DIP2C: variants seen among roughly 807,000 people sequenced by gnomAD.
DIP2C encodes disco-interacting protein 2 homolog C.
Under a neutral mutation model 192.4 loss-of-function variants are expected in DIP2C, and 33 were observed. The ratio of observed to expected loss-of-function variants is 0.17; its 90% CI spans 0.13 to 0.23. The LOEUF (loss-of-function observed/expected upper bound fraction) is 0.23, where lower values mean the gene tolerates loss of function less well. Ranked by LOEUF, DIP2C falls within the 10% of genes least tolerant of loss-of-function variation. The probability of loss-of-function intolerance (pLI) is 1.00; values close to 1 mark genes in which losing one functional copy is unlikely to be tolerated. For synonymous variants in DIP2C, 979 were observed against 864.1 expected (o/e 1.13, Z -2.33); for missense variants, 1,537 against 2,110.1 (o/e 0.73, Z 5.32).
Position 320,984 on chromosome 10 carries a change from C to T in DIP2C, c.3924+6022G>A, listed in dbSNP as rs1256673428. The stretch of plus-strand genomic sequence containing the variant: ...AGCAGGATGAGGGCAGAGGAGAGTC[C>T]ATCCAGGCCGAGCACAGTGTCCGGG... On this transcript the variant is annotated intron_variant, in intron 31 of 36. Coordinates refer to ENST00000280886, the MANE Select transcript of DIP2C (RefSeq NM_014974.3). Among the ~76,000 whole-genome samples the T allele has an allele frequency of 2.0e-5, 3 of 148,302 alleles. No homozygotes were observed. In the East Asian group the frequency reaches 6.0e-4, roughly 30 times the overall value.
chr10:523,066 C>T (rs774611167), intron 1 of DIP2C, among the ~76,000 whole-genome samples: 89 of 152,120 alleles, frequency 5.9e-4, no homozygotes, highest in Non-Finnish European at 8.5e-4. Flanking sequence ...ACGTGACCCA[C>T]GCGCTCATTT....
At chr10:674,516 T>TGCC (rs1289908084) in intron 1 of DIP2C, among the ~76,000 whole-genome samples, 1 of 151,858 alleles carries the variant, frequency 6.6e-6, no homozygotes, top group African/African-American at 2.4e-5. Flanking sequence ...ACACCTGTAA[T>TGCC]CCCAGCACTT....
Position 281,203 on chromosome 10 carries a change from T to G in DIP2C, c.4415A>C (p.Glu1472Ala). 6.2e-7 allele frequency: 1 copy of G among 1,613,986 alleles called. No homozygotes were observed. The highest frequency in any genetic ancestry group is 1.1e-5 in the South Asian group (1 of 91,076). Residue 1472 changes from glutamate to alanine, a missense_variant, in exon 36 of 37, where the codon GAA becomes GCA. Glu to Ala is a moderately radical substitution (Grantham distance 107). Transcript: ENST00000280886. ...SVIRAHKSVT[E>A]CAVFTWTNLL... is the part of the protein sequence containing the mutation. The stretch of plus-strand genomic sequence containing the variant: ...AAGCTGCAAGCTCACGACTTACCAT[T>G]CCGTAACGCTTTTATGGGCTCTGAT...
At chr10:614,897 T>C (rs763979633) in intron 1 of DIP2C, among the ~76,000 whole-genome samples, 7 of 152,148 alleles carry the variant, frequency 4.6e-5, no homozygotes, top group Non-Finnish European at 8.8e-5. Context: ...TGGGAAGAAC[T>C]GGGTTGGCCC....
At chr10:622,538 G>C (rs1403704398) in intron 1 of DIP2C, among the ~76,000 whole-genome samples, 1 of 152,174 alleles carries the variant, frequency 6.6e-6, no homozygotes, top group Non-Finnish European at 1.5e-5. Context: ...GCTGAGGACA[G>C]GGCTGTAATT....
At chr10:500,846 G>T (rs980743389) in intron 1 of DIP2C, among the ~76,000 whole-genome samples, 1 of 152,148 alleles carries the variant, frequency 6.6e-6, no homozygotes, top group African/African-American at 2.4e-5. Context: ...ATAGGTTTCA[G>T]GCTTCAGAAA....
chr10:625,663 G>A (rs945825260), intron 1 of DIP2C, among the ~76,000 whole-genome samples: 3 of 152,176 alleles, frequency 2.0e-5, no homozygotes, highest in East Asian at 1.9e-4. Context: ...CGCACACTGC[G>A]CTTCAATCAC....
chr10:572,875 G>A (rs1006827007), intron 1 of DIP2C, among the ~76,000 whole-genome samples: 1 of 152,072 alleles, frequency 6.6e-6, no homozygotes. Context: ...AATGACAGCC[G>A]GCGGGACTCG....
At chr10:674,405 G>A (rs991329831) in intron 1 of DIP2C, among the ~76,000 whole-genome samples, 1 of 152,134 alleles carries the variant, frequency 6.6e-6, no homozygotes, top group South Asian at 2.1e-4. Context: ...ACAGCAAGAG[G>A]ACATAACAAT....
At chr10:384,899 G>C (rs964737271) in intron 14 of DIP2C, among the ~76,000 whole-genome samples, 1 of 151,754 alleles carries the variant, frequency 6.6e-6, no homozygotes, top group Non-Finnish European at 1.5e-5. Flanking sequence ...GAAGGAGGAG[G>C]AGAAGCAGCT....
chr10:531,757 G>C (rs1034734098), intron 1 of DIP2C, among the ~76,000 whole-genome samples: 1 of 152,146 alleles, frequency 6.6e-6, no homozygotes, highest in Non-Finnish European at 1.5e-5. Flanking sequence ...GAAGTCTGTG[G>C]AACCTCAGAG....
chr10:655,206 G>C (rs1186681129), intron 1 of DIP2C, among the ~76,000 whole-genome samples: 1 of 152,168 alleles, frequency 6.6e-6, no homozygotes, highest in Non-Finnish European at 1.5e-5. Context: ...CTGGGAAGGG[G>C]GCAACCAGCA....
chr10:650,881 G>A, intron 1 of DIP2C: 1 of 717,486 alleles, frequency 1.4e-6, no homozygotes, highest in Non-Finnish European at 2.6e-6. Context: ...AACTCCCCCT[G>A]GGATTCGTGG....
intron 1 of DIP2C, among the ~76,000 whole-genome samples, chr10:616,626 G>C (rs777809065): frequency 1.5e-4 from 23 of 152,158 alleles, no homozygotes; most frequent in Non-Finnish European, 2.9e-4. Flanking sequence ...AGGTCTGCCA[G>C]GTTTAATGCC....
At chr10:490,545 C>T (rs1040689975) in intron 1 of DIP2C, among the ~76,000 whole-genome samples, 2 of 152,224 alleles carry the variant, frequency 1.3e-5, no homozygotes, top group African/African-American at 4.8e-5. Flanking sequence ...GTCTAAGGCA[C>T]ACCCTCAAGG....
intron 29 of DIP2C, among the ~76,000 whole-genome samples, chr10:335,082 C>G (rs569783525): frequency 1.3e-5 from 2 of 152,226 alleles, no homozygotes; most frequent in African/African-American, 4.8e-5. Context: ...TACAGGCTAT[C>G]TGACACAATT....
chr10:554,429 G>C (rs80067898), intron 1 of DIP2C, among the ~76,000 whole-genome samples: 5,273 of 152,316 alleles, frequency 0.035, 166 homozygotes, highest in African/African-American at 0.08. Context: ...GATCTTGCTT[G>C]ATAAGGTATT....
At chr10:620,222 CCTAT>C (rs1382517957) in intron 1 of DIP2C, among the ~76,000 whole-genome samples, 18 of 152,238 alleles carry the variant, frequency 1.2e-4, no homozygotes, top group East Asian at 3.9e-4. Flanking sequence ...CTTTTTTCTG[CCTAT>C]CTATTTTATG....
chr10:539,576 T>C (rs1305388187), intron 1 of DIP2C, among the ~76,000 whole-genome samples: 1 of 152,126 alleles, frequency 6.6e-6, no homozygotes, highest in African/African-American at 2.4e-5. Context: ...TAATAGAAAA[T>C]ATAGAGGTTT....
Sources: gnomAD v4.1 joint callset for allele counts (sites outside exome capture counted in the v4.1 genomes callset) on GRCh38, gnomAD v4.1.1 for gene constraint, MANE v1.5 for transcripts, NCBI Gene and HGNC (gene_info 2026-07-23, HGNC 2026-07-21) for gene names.